LIMCH1: variants seen among roughly 807,000 people sequenced by gnomAD.
LIMCH1 encodes LIM and calponin homology domains-containing protein 1.
In LIMCH1, 113 loss-of-function variants were observed where a neutral mutation model predicts 176.5. The ratio of observed to expected loss-of-function variants is 0.64; its 90% CI spans 0.55 to 0.75. The LOEUF is 0.75. LIMCH1 is among the 30% of genes least tolerant of loss of function. The probability of loss-of-function intolerance (pLI) is 0.00; values close to 1 mark genes in which losing one functional copy is unlikely to be tolerated. For missense variants in LIMCH1, 1,674 were observed against 1,814.9 expected, an observed-to-expected ratio of 0.92 and a Z score of 1.41; for synonymous variants, 619 against 645.9, an observed-to-expected ratio of 0.96 and a Z score of 0.63.
intron 1 of LIMCH1, among the ~76,000 whole-genome samples, chr4:41,417,241 C>T (rs1016447409): frequency 2.0e-5 from 3 of 152,102 alleles, no homozygotes; most frequent in Non-Finnish European, 4.4e-5. Flanking sequence ...CGAGTCACTC[C>T]GGGTGAAAAC....
At chr4:41,574,350 G>A (rs909660884) in intron 1 of LIMCH1, among the ~76,000 whole-genome samples, 14 of 146,338 alleles carry the variant, frequency 9.6e-5, no homozygotes, top group Admixed American at 2.1e-4. Context: ...CTGGAGTGCA[G>A]TGGCACAATC....
chr4:41,502,530 G>T (rs2073485939), intron 2 of LIMCH1, among the ~76,000 whole-genome samples: 1 of 152,166 alleles, frequency 6.6e-6, no homozygotes, highest in African/African-American at 2.4e-5. Flanking sequence ...CCCACCAACA[G>T]TGTAAAGCAT....
chr4:41,402,553 A>G (rs1207448365), intron 1 of LIMCH1, among the ~76,000 whole-genome samples: 1 of 133,748 alleles, frequency 7.5e-6, no homozygotes, highest in Non-Finnish European at 1.5e-5. Context: ...ACTATTCCCA[A>G]TAGCAAAGAC....
intron 1 of LIMCH1, among the ~76,000 whole-genome samples, chr4:41,483,404 C>T (rs185485041): frequency 1.8e-3 from 276 of 152,120 alleles, no homozygotes; most frequent in Non-Finnish European, 2.3e-3. Context: ...TGGGAGAGTC[C>T]ACGGAGAGAT....
chr4:41,613,201 T>A (rs1189478145), intron 4 of LIMCH1: 1 of 1,104,578 alleles, frequency 9.1e-7, no homozygotes, highest in Non-Finnish European at 1.3e-6. Flanking sequence ...CTCTTTTTTT[T>A]TTAAACCTAG....
At chr4:41,571,632 G>T (rs978604548) in intron 1 of LIMCH1, among the ~76,000 whole-genome samples, 1 of 152,152 alleles carries the variant, frequency 6.6e-6, no homozygotes, top group Non-Finnish European at 1.5e-5. Context: ...TGATCAACAG[G>T]TTAAAAGTTT....
At chr4:41,682,675 CTTCTT>C (rs1560368109) in intron 26 of LIMCH1, among the ~76,000 whole-genome samples, 1 of 142,380 alleles carries the variant, frequency 7.0e-6, no homozygotes, top group African/African-American at 2.6e-5. Context: ...TTTTCTTCTT[CTTCTT>C]TTTTTTTTTT....
intron 14 of LIMCH1, among the ~76,000 whole-genome samples, chr4:41,641,298 G>A (rs898510556): frequency 6.6e-6 from 1 of 152,124 alleles, no homozygotes; most frequent in Non-Finnish European, 1.5e-5. Context: ...CATTTGGGAG[G>A]CCAAGTCTAA....
intron 21 of LIMCH1, chr4:41,671,058 T>TAAA (rs76648075): frequency 0.049 from 30,149 of 609,446 alleles, 619 homozygotes; most frequent in Admixed American, 0.12. Context: ...CCCCTGCCTT[T>TAAA]AAAAAAAAAA....
At chr4:41,650,332 T>C in intron 17 of LIMCH1, 61 bp from the exon 18 acceptor site, 1 of 1,208,246 alleles carries the variant, frequency 8.3e-7, no homozygotes, top group East Asian at 2.3e-5. Flanking sequence ...ACGTGTCGTT[T>C]TGTTACAGTC....
chr4:41,662,550 ATG>A (rs2094661278), intron 19 of LIMCH1, among the ~76,000 whole-genome samples: 2 of 152,232 alleles, frequency 1.3e-5, no homozygotes, highest in South Asian at 2.1e-4. Flanking sequence ...TGTTATTCAG[ATG>A]TAAACCGTGA....
intron 1 of LIMCH1, among the ~76,000 whole-genome samples, chr4:41,452,688 C>G (rs1227233541): frequency 2.0e-5 from 3 of 152,210 alleles, no homozygotes; most frequent in Non-Finnish European, 2.9e-5. Context: ...AAATCCAACA[C>G]CTCCTTCCTT....
Position 41,699,777 on chromosome 4 carries a change from T to C in LIMCH1, c.*2592T>C, listed in dbSNP as rs1483136510. 1 of 152,206 alleles carries C rather than the reference T, an allele frequency of 6.6e-6. No homozygotes were observed. Among genetic ancestry groups the C allele is most frequent in the African/African-American group, 2.4e-5 (1 of 41,466 alleles). The allele number at this position is 152,206 out of a possible 1,614,324, so 9.4% of individuals were successfully genotyped here. A position where few individuals can be genotyped will look rare whatever the true frequency, so the allele number is the denominator to read the frequency against. On this transcript the variant is annotated 3_prime_UTR_variant, in exon 32 of 32. Coordinates refer to ENST00000503057, the MANE Select transcript of LIMCH1 (RefSeq NM_001330672.2). ...ACTTCCATGACATTTCCTTTCTATG[T>C]AGTGTGATTAATGCAATACATATTA... is the stretch of plus-strand genomic sequence containing the variant.
chr4:41,456,184 G>T (rs1242500047), intron 1 of LIMCH1, among the ~76,000 whole-genome samples: 1 of 152,114 alleles, frequency 6.6e-6, no homozygotes, highest in Non-Finnish European at 1.5e-5. Context: ...AGCTGCATGA[G>T]CTTTAATGGC....
In LIMCH1 at chr4:41,613,647, G is replaced by A. The variant is rs1052370918; in HGVS notation, c.191G>A (p.Arg64Lys). The A allele has an allele frequency of 5.0e-6, 8 of 1,613,950 alleles. No individual in the cohort carries two copies. The highest frequency in any genetic ancestry group is 4.0e-5 in the African/African-American group (3 of 74,918). The change falls in exon 5 of 32, where the codon AGG becomes AAG. Residue 64 changes from arginine (R) to lysine (K), a missense_variant. Around this residue, in one of 3 missense-constraint regions of LIMCH1, gnomAD observed 655 missense variants for 692.2 expected, o/e 0.95. Transcript: ENST00000503057. ...RQTPSPDVVL[R>K]GSSDGRGSDS... ...ACGCCTTCACCAGATGTAGTCCTCAGGGGAAGCAGCGATGGTAGGTTGGAG... is the reference window on the plus strand; with the variant it reads ...ACGCCTTCACCAGATGTAGTCCTCAAGGGAAGCAGCGATGGTAGGTTGGAG...
chr4:41,464,990 G>A (rs762350881), intron 1 of LIMCH1, among the ~76,000 whole-genome samples: 2 of 151,858 alleles, frequency 1.3e-5, no homozygotes, highest in Non-Finnish European at 2.9e-5. Flanking sequence ...CAATGGTCGT[G>A]CCTCTCATCT....
At chr4:41,544,450 G>A (rs1242383416) in intron 1 of LIMCH1, among the ~76,000 whole-genome samples, 1 of 152,168 alleles carries the variant, frequency 6.6e-6, no homozygotes, top group Non-Finnish European at 1.5e-5. Flanking sequence ...TTCTGCTCCT[G>A]TCGAGGGGAG....
chr4:41,619,995 C>T (rs1561948228), intron 6 of LIMCH1: 1 of 187,166 alleles, frequency 5.3e-6, no homozygotes, highest in Non-Finnish European at 1.1e-5. Context: ...TCAGCAAGTA[C>T]TTATTGAGCA....
chr4:41,378,614 C>T (rs1388246354), intron 1 of LIMCH1, among the ~76,000 whole-genome samples: 1 of 151,902 alleles, frequency 6.6e-6, no homozygotes, highest in Admixed American at 6.6e-5. Context: ...GGGATGATTA[C>T]GATGGCCAGC....
Sources: allele counts gnomAD v4.1 joint callset (sites outside exome capture counted in the v4.1 genomes callset), GRCh38; gene constraint gnomAD v4.1.1; regional missense constraint gnomAD v4.1.1; transcripts MANE v1.5; gene names NCBI Gene and HGNC (gene_info 2026-07-23, HGNC 2026-07-21).